Variants in EFNB2 observed in about 807,000 individuals in gnomAD.
EFNB2 encodes the protein ephrin-B2.
Under a neutral mutation model 32.1 loss-of-function variants are expected in EFNB2, and 5 were observed. The ratio of observed to expected loss-of-function variants is 0.16; its 90% CI spans 0.08 to 0.33. The LOEUF (loss-of-function observed/expected upper bound fraction) is 0.33, where lower values mean the gene tolerates loss of function less well. Among genes scored for constraint, EFNB2 ranks in the 10% least tolerant of loss-of-function variants. The probability of loss-of-function intolerance (pLI) is 1.00; values close to 1 mark genes in which losing one functional copy is unlikely to be tolerated. For synonymous variants in EFNB2, 168 were observed against 166.5 expected (o/e 1.01, Z -0.07); for missense variants, 263 against 422.6 (o/e 0.62, Z 3.31).
chr13:106,513,236 A>G (rs1879203699), intron 1 of EFNB2, among the ~76,000 whole-genome samples: 1 of 152,180 alleles, frequency 6.6e-6, no homozygotes, highest in Non-Finnish European at 1.5e-5. Flanking sequence ...TGGAGGGAAC[A>G]GTGGATCCAC....
Position 106,491,916 on chromosome 13 carries a change from G to C in EFNB2, c.*1124C>G, listed in dbSNP as rs1878420082. 6.6e-6 allele frequency: 1 copy of C among 152,596 alleles called. No homozygotes were observed. 9.5% of individuals were successfully genotyped at this position (152,596 alleles called of 1,614,324 possible). A position where few individuals can be genotyped will look rare whatever the true frequency, so the allele number is the denominator to read the frequency against. ...ATAAAATGTGATAAGTATAGCAGCTGAGTCTGCTTAAAAAATCATCCAAAG... is the reference window on the plus strand; with the variant it reads ...ATAAAATGTGATAAGTATAGCAGCTCAGTCTGCTTAAAAAATCATCCAAAG... On this transcript the variant is annotated 3_prime_UTR_variant, in exon 5 of 5. Transcript: ENST00000646441.
At chr13:106,511,681 A>G (rs1879144866) in intron 2 of EFNB2, among the ~76,000 whole-genome samples, 1 of 152,222 alleles carries the variant, frequency 6.6e-6, no homozygotes, top group African/African-American at 2.4e-5. Context: ...AATTATGAGT[A>G]TAATTTTAAA....
intron 1 of EFNB2, among the ~76,000 whole-genome samples, chr13:106,533,459 G>A (rs1251062234): frequency 6.6e-6 from 1 of 152,262 alleles, no homozygotes; most frequent in African/African-American, 2.4e-5. Context: ...TACATGGAAG[G>A]AGGCAGAGCT....
In EFNB2 at chr13:106,497,854, T is replaced by A. The variant is rs1045866837; in HGVS notation, c.407-2014A>T. 1.2e-4 allele frequency among the ~76,000 whole-genome samples: 18 copies of A among 152,206 alleles called. 1 individual carries two copies. The highest frequency in any genetic ancestry group is 3.6e-4 in the African/African-American group (15 of 41,452). Reference sequence around the variant, plus strand: ...ATGAGCAGATCCTATTTCTGGACCATTTCAGAGCAGAGCTATAATCTTCAA... The same window carrying A: ...ATGAGCAGATCCTATTTCTGGACCAATTCAGAGCAGAGCTATAATCTTCAA... On this transcript the variant is annotated intron_variant, in intron 2 of 4. Coordinates refer to ENST00000646441, the MANE Select transcript of EFNB2 (RefSeq NM_004093.4).
intron 2 of EFNB2, among the ~76,000 whole-genome samples, chr13:106,512,022 G>A (rs7981617): frequency 1.2e-3 from 190 of 152,140 alleles, no homozygotes; most frequent in African/African-American, 4.2e-3. Context: ...CCCATCTTTC[G>A]AATTTATGAG....
chr13:106,532,048 T>C (rs1376144446), intron 1 of EFNB2, among the ~76,000 whole-genome samples: 1 of 138,338 alleles, frequency 7.2e-6, no homozygotes, highest in African/African-American at 2.8e-5. Flanking sequence ...TACTGTTCTC[T>C]GCTGAATTAA....
chr13:106,516,222 C>T (rs1237864270), intron 1 of EFNB2: 1 of 152,238 alleles, frequency 6.6e-6, no homozygotes. Flanking sequence ...TGAAGATGCC[C>T]TCCCAGGCAC....
At chr13:106,500,081 G>C (rs1878722063) in intron 2 of EFNB2, among the ~76,000 whole-genome samples, 1 of 152,110 alleles carries the variant, frequency 6.6e-6, no homozygotes, top group Non-Finnish European at 1.5e-5. Flanking sequence ...GGAAAAAAAA[G>C]AGAACCAGTG....
At chr13:106,514,507 C>A (rs1333163475) in intron 1 of EFNB2, among the ~76,000 whole-genome samples, 1 of 152,212 alleles carries the variant, frequency 6.6e-6, no homozygotes, top group Non-Finnish European at 1.5e-5. Flanking sequence ...CTCCAACACA[C>A]ACACAGTAAT....
intron 1 of EFNB2, among the ~76,000 whole-genome samples, chr13:106,531,510 G>C (rs554501318): frequency 6.6e-6 from 1 of 152,326 alleles, no homozygotes; most frequent in Admixed American, 6.5e-5. Context: ...TATTCAATCA[G>C]TGCTGAATGT....
chr13:106,515,239 C>T (rs1879274481), intron 1 of EFNB2, among the ~76,000 whole-genome samples: 1 of 152,112 alleles, frequency 6.6e-6, no homozygotes, highest in Non-Finnish European at 1.5e-5. Flanking sequence ...TTTCAGAAGG[C>T]GTAAGTCATA....
Position 106,494,967 on chromosome 13 carries a change from T to C in EFNB2, c.527A>G (p.Asn176Ser). Residue 176 changes from asparagine to serine, a missense_variant, in exon 4 of 5, where the codon AAT becomes AGT. Asn to Ser is a conservative substitution (Grantham distance 46, BLOSUM62 1). Around this residue, in one of 3 missense-constraint regions of EFNB2, gnomAD observed 172 missense variants for 237.1 expected, o/e 0.73. Transcript: ENST00000646441. ...QDASSAGSTR[N>S]KDPTRRPELE... ...TTCTGGACGTCTTGTTGGATCTTTA[T>C]TCCTGGTTGATCCAGCAGAACTTGC... 1 of 1,614,144 alleles carries C rather than the reference T, an allele frequency of 6.2e-7. No individual in the cohort carries two copies. The highest frequency in any genetic ancestry group is 2.2e-5 in the East Asian group (1 of 44,866).
At chr13:106,515,397 AAG>A (rs1879279953) in intron 1 of EFNB2, among the ~76,000 whole-genome samples, 2 of 152,118 alleles carry the variant, frequency 1.3e-5, no homozygotes, top group Non-Finnish European at 2.9e-5. Flanking sequence ...ATCAAAGCGG[AAG>A]TGTGGTGGGG....
intron 2 of EFNB2, among the ~76,000 whole-genome samples, chr13:106,507,828 A>G (rs1029252626): frequency 6.6e-6 from 1 of 152,222 alleles, no homozygotes; most frequent in Non-Finnish European, 1.5e-5. Context: ...CTTCGGAAAG[A>G]TGACTTACGG....
intron 2 of EFNB2, chr13:106,510,178 T>A (rs1003219029): frequency 2.0e-5 from 3 of 152,226 alleles, no homozygotes; most frequent in African/African-American, 7.2e-5. Context: ...ATGAACCTGT[T>A]AGTGTGGTAT....
intron 2 of EFNB2, chr13:106,510,221 T>C (rs572574945): frequency 6.6e-6 from 1 of 152,314 alleles, no homozygotes; most frequent in East Asian, 1.9e-4. Flanking sequence ...ATAATAGATG[T>C]CGTTATTGTG....
Position 106,493,752 on chromosome 13 carries a change from G to A in EFNB2, c.614-324C>T, listed in dbSNP as rs1878497715. On this transcript the variant is annotated intron_variant, in intron 4 of 4. Coordinates refer to ENST00000646441, the MANE Select transcript of EFNB2 (RefSeq NM_004093.4). The surrounding 1 kb of genome is among the most constrained non-coding windows in gnomAD (Gnocchi z 6.1). ...TCAGCCAGCCTGGGGCAGCGGCAGG[G>A]AAGAAAAAGGGAAGTGGCCAATTCT... Among the ~76,000 whole-genome samples the A allele has an allele frequency of 1.3e-5, 2 of 152,130 alleles. No individual in the cohort carries two copies. The highest frequency in any genetic ancestry group is 2.9e-5 in the Non-Finnish European group (2 of 68,024).
chr13:106,502,709 T>A (rs1878821899), intron 2 of EFNB2, among the ~76,000 whole-genome samples: 1 of 152,206 alleles, frequency 6.6e-6, no homozygotes. Flanking sequence ...AGCTTTCGCA[T>A]AAAGCCTTTT....
chr13:106,503,587 C>G (rs886226844), intron 2 of EFNB2, among the ~76,000 whole-genome samples: 1 of 152,174 alleles, frequency 6.6e-6, no homozygotes, highest in South Asian at 2.1e-4. Flanking sequence ...AGGTGGAAGT[C>G]ATTAGCTGGG....
Sources: allele counts gnomAD v4.1 joint callset (sites outside exome capture counted in the v4.1 genomes callset), GRCh38; gene constraint gnomAD v4.1.1; regional missense constraint gnomAD v4.1.1; non-coding constraint Gnocchi (gnomAD v3.1); transcripts MANE v1.5; gene names NCBI Gene and HGNC (gene_info 2026-07-23, HGNC 2026-07-21).